The following NF1 variants were observed in gnomAD, a reference collection of about 807,000 sequenced individuals.
NF1 encodes neurofibromin 1.
Under a neutral mutation model 325.7 loss-of-function variants are expected in NF1, and 122 were observed. That is an observed-to-expected ratio of 0.37 (90% CI 0.32 to 0.44). The LOEUF (loss-of-function observed/expected upper bound fraction) is 0.44, where lower values mean the gene tolerates loss of function less well. NF1 is among the 20% of genes least tolerant of loss of function. The probability of loss-of-function intolerance (pLI) is 1.00; values close to 1 mark genes in which losing one functional copy is unlikely to be tolerated. For synonymous variants in NF1, 1,091 were observed against 1,186.0 expected (o/e 0.92, Z 1.65); for missense variants, 2,140 against 3,415.4 (o/e 0.63, Z 9.31).
intron 31 of NF1, chr17:31,253,638 AAAACACATCATTCTGCAAACAT>A (rs1400699559): frequency 3.9e-5 from 6 of 152,280 alleles, no homozygotes; most frequent in Non-Finnish European, 8.8e-5. Flanking sequence ...TATTTGTAGA[AAAACACATCATTCTGCAAACAT>A]AATGTGAATA....
intron 35 of NF1, among the ~76,000 whole-genome samples, chr17:31,262,337 T>C (rs1429250072): frequency 1.3e-5 from 2 of 152,224 alleles, no homozygotes; most frequent in Non-Finnish European, 2.9e-5. Flanking sequence ...TACTTCAGTA[T>C]TGCTATAAAA....
intron 30 of NF1, 77 bp from the exon 31 acceptor site, chr17:31,252,861 A>G: frequency 1.7e-6 from 2 of 1,169,042 alleles, no homozygotes; most frequent in Non-Finnish European, 1.3e-6. Flanking sequence ...GTGTAATTTT[A>G]TGTACAAGCC....
chr17:31,305,691 A>G, intron 36 of NF1: 1 of 1,455,858 alleles, frequency 6.9e-7, no homozygotes, highest in Non-Finnish European at 9.2e-7. Flanking sequence ...CTAGTTAAAA[A>G]TTTGACTTTT....
At chr17:31,181,572 G>A (rs2066134314) in intron 6 of NF1, 83 bp downstream of exon 6, 2 of 1,382,186 alleles carry the variant, frequency 1.4e-6, no homozygotes, top group African/African-American at 2.8e-5. Context: ...AAAAAGTTAT[G>A]ACTTGAGTGA....
At chr17:31,217,105 C>T (rs2066831909) in intron 13 of NF1, among the ~76,000 whole-genome samples, 1 of 152,080 alleles carries the variant, frequency 6.6e-6, no homozygotes, top group African/African-American at 2.4e-5. Flanking sequence ...ATGGGAAACA[C>T]ATCTTCTCTT....
intron 8 of NF1, among the ~76,000 whole-genome samples, chr17:31,198,386 C>T (rs2066469942): frequency 6.6e-6 from 1 of 152,088 alleles, no homozygotes; most frequent in Non-Finnish European, 1.5e-5. Flanking sequence ...GCTATCTGGT[C>T]CTAGCCTTTT....
chr17:31,213,630 A>G (rs970133560), intron 12 of NF1, among the ~76,000 whole-genome samples: 7 of 152,206 alleles, frequency 4.6e-5, no homozygotes, highest in African/African-American at 1.7e-4. Flanking sequence ...TTATAATAAT[A>G]GGTGATGTTA....
At chr17:31,354,042 C>T (rs569199659) in intron 51 of NF1, among the ~76,000 whole-genome samples, 1 of 152,178 alleles carries the variant, frequency 6.6e-6, no homozygotes, top group East Asian at 1.9e-4. Flanking sequence ...GATTTTCATG[C>T]CAATGAAGTT....
intron 1 of NF1, among the ~76,000 whole-genome samples, chr17:31,141,726 C>T (rs759686246): frequency 2.0e-5 from 3 of 152,246 alleles, no homozygotes; most frequent in East Asian, 1.9e-4. Flanking sequence ...CTCTGGAGCA[C>T]GGTCTCTTGA....
At chr17:31,256,650 A>G (rs1283637253) in intron 31 of NF1, among the ~76,000 whole-genome samples, 1 of 152,174 alleles carries the variant, frequency 6.6e-6, no homozygotes, top group Non-Finnish European at 1.5e-5. Context: ...TTTTTTCTTA[A>G]TTTTACATCT....
At chr17:31,281,822 G>A (rs1015644884) in intron 36 of NF1, among the ~76,000 whole-genome samples, 1 of 152,126 alleles carries the variant, frequency 6.6e-6, no homozygotes, top group Non-Finnish European at 1.5e-5. Flanking sequence ...TTGGGAGACT[G>A]AGGTTGGGAG....
chr17:31,295,086 G>T (rs757675056), intron 36 of NF1: 4 of 1,614,144 alleles, frequency 2.5e-6, no homozygotes, highest in Non-Finnish European at 3.4e-6. Flanking sequence ...GCCACAGAAG[G>T]TAATGGAGTC....
chr17:31,246,439 A>C (rs1375902950), intron 29 of NF1, among the ~76,000 whole-genome samples: 1 of 152,268 alleles, frequency 6.6e-6, no homozygotes, highest in Non-Finnish European at 1.5e-5. Flanking sequence ...TGTCCAAAGC[A>C]TTTCTGTAAT....
In NF1 at chr17:31,376,975, T is replaced by C. The variant is rs1228406490; in HGVS notation, c.*2820T>C. 4.3e-6 allele frequency: 1 copy of C among 233,284 alleles called. No individual in the cohort carries two copies. The highest frequency in any genetic ancestry group is 8.5e-6 in the Non-Finnish European group (1 of 118,100). 14.5% of individuals were successfully genotyped at this position (233,284 alleles called of 1,614,324 possible). A position where few individuals can be genotyped will look rare whatever the true frequency, so the allele number is the denominator to read the frequency against. Reference sequence around the variant, plus strand: ...TCCTAAACAGTCAGCTTCTATCCTGTGTCCTAGTTGGGGAGACAGAGTGCC... The same window carrying C: ...TCCTAAACAGTCAGCTTCTATCCTGCGTCCTAGTTGGGGAGACAGAGTGCC... On this transcript the variant is annotated 3_prime_UTR_variant, in exon 58 of 58. Transcript: ENST00000358273.
In NF1 at chr17:31,242,305, C is replaced by CTTTTTTTTTT. The variant is rs200376987; in HGVS notation, c.3974+6302_3974+6311dup. Among the ~76,000 whole-genome samples the CTTTTTTTTTT allele has an allele frequency of 3.5e-4, 24 of 68,860 alleles. 3 individuals are homozygous for CTTTTTTTTTT. Among genetic ancestry groups the CTTTTTTTTTT allele is most frequent in the African/African-American group, 8.1e-4 (13 of 16,008 alleles). The allele number at this position is 68,860 out of a possible 152,430, so 45.2% of individuals were successfully genotyped here. ...TCTTTCCCTAGGTTTCATAAGTTCT[C>CTTTTTTTTTT]TTTTTTTTTTTTTTTTTTTTTTTTT... On this transcript the variant is annotated intron_variant, in intron 29 of 57. Transcript: ENST00000358273.
chr17:31,199,573 A>G (rs920872362), intron 8 of NF1, among the ~76,000 whole-genome samples: 22 of 152,194 alleles, frequency 1.4e-4, no homozygotes, highest in African/African-American at 5.3e-4. Context: ...TTGACATGTT[A>G]CATTTGAGCA....
rs374425607 is a variant in NF1, at chr17:31,287,094, AT to A, written c.4835+21762del. On this transcript the variant is annotated intron_variant, in intron 36 of 57. Coordinates refer to ENST00000358273, the MANE Select transcript of NF1 (RefSeq NM_001042492.3). ...ACATCTAATTTTTTACTGCTAAATAATTTTTTTAGGGGATAAATAACAAACC... is the reference window on the plus strand; with the variant it reads ...ACATCTAATTTTTTACTGCTAAATAATTTTTTAGGGGATAAATAACAAACC... Among the ~76,000 whole-genome samples, 61 of 152,284 alleles carry A rather than the reference AT, an allele frequency of 4.0e-4. No individual in the cohort carries two copies. The East Asian group carries it at 0.01, about 25-fold the overall frequency.
At chr17:31,330,526 T>A (rs2151545112) in intron 39 of NF1, 28 bp downstream of exon 39, 1 of 1,458,176 alleles carries the variant, frequency 6.9e-7, no homozygotes, top group Non-Finnish European at 9.6e-7. Context: ...TCTTTAATAC[T>A]AACAATTATT....
intron 12 of NF1, among the ~76,000 whole-genome samples, chr17:31,209,889 C>T (rs560839899): frequency 3.3e-5 from 5 of 152,288 alleles, no homozygotes; most frequent in African/African-American, 1.2e-4. Flanking sequence ...CTCAGGTGAT[C>T]CACCTGCCTC....
Sources: gnomAD v4.1 joint callset for allele counts (sites outside exome capture counted in the v4.1 genomes callset) on GRCh38, gnomAD v4.1.1 for gene constraint, MANE v1.5 for transcripts, NCBI Gene and HGNC (gene_info 2026-07-23, HGNC 2026-07-21) for gene names.